Variants in PCDHGA7 observed in about 807,000 individuals in gnomAD.
The protein encoded by PCDHGA7 is protocadherin gamma subfamily A, 7, also known as protocadherin gamma-A7.
A neutral mutation model predicts 58.3 loss-of-function variants in PCDHGA7; 44 were observed. That is an observed-to-expected ratio of 0.75 (90% confidence interval 0.59 to 0.97). The LOEUF (loss-of-function observed/expected upper bound fraction) is 0.97, where lower values mean the gene tolerates loss of function less well. Ranked by LOEUF, PCDHGA7 falls within the 50% of genes least tolerant of loss-of-function variation. PCDHGA7 has a pLI of 0.00. For missense variants in PCDHGA7, 1,266 were observed against 1,188.7 expected (o/e 1.06, Z -0.96); for synonymous variants, 516 against 504.2 (o/e 1.02, Z -0.31).
chr5:141,428,067 G>GC, intron 1 of PCDHGA7: 2 of 1,609,228 alleles, frequency 1.2e-6, no homozygotes, highest in Non-Finnish European at 1.7e-6. Context: ...GGTGGACGCA[G>GC]ATTCGGGACA....
chr5:141,445,334 A>G (rs1337991795), intron 1 of PCDHGA7, among the ~76,000 whole-genome samples: 1 of 152,224 alleles, frequency 6.6e-6, no homozygotes, highest in African/African-American at 2.4e-5. Context: ...ATCCAGAAAC[A>G]GTAAACATTG....
At chr5:141,390,553 A>G in intron 1 of PCDHGA7, 3 of 476,468 alleles carry the variant, frequency 6.3e-6, no homozygotes, top group Non-Finnish European at 1.1e-5. Context: ...TGAAAGTGTT[A>G]GACAGTTGTT....
intron 1 of PCDHGA7, chr5:141,405,157 G>T: frequency 6.2e-7 from 1 of 1,614,072 alleles, no homozygotes. Context: ...TGGCTGGTGT[G>T]CCCACCTCAC....
chr5:141,495,107 A>G (rs559621284), intron 2 of PCDHGA7, among the ~76,000 whole-genome samples: 1 of 152,166 alleles, frequency 6.6e-6, no homozygotes, highest in East Asian at 1.9e-4. Flanking sequence ...CACGACCGGC[A>G]CCTTTTCCTA....
At chr5:141,427,426 C>G (rs569185252) in intron 1 of PCDHGA7, 1 of 469,896 alleles carries the variant, frequency 2.1e-6, no homozygotes, top group Admixed American at 2.3e-5. Flanking sequence ...GGGGAGGTTA[C>G]ATGCCTCATA....
chr5:141,410,826 G>T, intron 1 of PCDHGA7: 4 of 379,152 alleles, frequency 1.1e-5, no homozygotes, highest in Non-Finnish European at 9.0e-6. Flanking sequence ...AATGTCACCA[G>T]ACTGAAGATA....
chr5:141,430,090 G>T (rs2097260736), intron 1 of PCDHGA7, among the ~76,000 whole-genome samples: 1 of 152,096 alleles, frequency 6.6e-6, no homozygotes, highest in Non-Finnish European at 1.5e-5. Context: ...ATGAAAATTT[G>T]ATTTTTAAGC....
chr5:141,384,823 C>T lies in PCDHGA7; in HGVS notation c.1924C>T (p.Leu642Phe), dbSNP rs1780554130. 1 of 1,613,490 alleles carries T rather than the reference C, an allele frequency of 6.2e-7. No individual in the cohort carries two copies. The highest frequency in any genetic ancestry group is 1.1e-5 in the South Asian group (1 of 91,074). The change falls in exon 1 of 4, where the codon CTC (leucine) becomes TTC (phenylalanine). Residue 642 changes from leucine (L) to phenylalanine (F), a missense_variant. By Grantham distance (22) the Leu-to-Phe change is conservative. Coordinates refer to ENST00000518325, the MANE Select transcript of PCDHGA7 (RefSeq NM_018920.4). ...GGACAGAGATGCCCTCAAGCAGAGC[C>T]TCGTGGTGGCCGTCCAGGACCACGG... Reference protein sequence around the residue: ...LLDRDALKQSLVVAVQDHGQP... With the variant: ...LLDRDALKQSFVVAVQDHGQP...
chr5:141,481,924 A>G (rs1189494301), intron 1 of PCDHGA7, among the ~76,000 whole-genome samples: 1 of 151,648 alleles, frequency 6.6e-6, no homozygotes, highest in Non-Finnish European at 1.5e-5. Context: ...AAAAAAAAAA[A>G]AAAAAAAAAA....
chr5:141,388,773 G>C, intron 1 of PCDHGA7: 4 of 1,613,808 alleles, frequency 2.5e-6, no homozygotes, highest in Non-Finnish European at 3.4e-6. Context: ...CTCTAACACC[G>C]GGGAAATTAC....
intron 1 of PCDHGA7, chr5:141,390,739 A>G (rs1459430005): frequency 5.6e-6 from 1 of 178,034 alleles, no homozygotes; most frequent in Non-Finnish European, 1.2e-5. Context: ...TATGGTCTCC[A>G]TAGTAGTCCA....
Position 141,477,656 on chromosome 5 carries a change from C to T in PCDHGA7, c.2425-17151C>T, listed in dbSNP as rs755621234. The T allele has an allele frequency of 1.9e-6, 3 of 1,614,184 alleles. No homozygotes were observed. The South Asian group carries it at 3.3e-5, about 18-fold the overall frequency. ...AGTGGGTCGCTATTTCACAATAAATCGTGACAATGGCATAGTGTCATCCTT... is the reference window on the plus strand; with the variant it reads ...AGTGGGTCGCTATTTCACAATAAATTGTGACAATGGCATAGTGTCATCCTT... On this transcript the variant is annotated intron_variant, in intron 1 of 3. Transcript: ENST00000518325. The surrounding 1 kb of genome is among the most constrained non-coding windows in gnomAD (Gnocchi z 4.9).
chr5:141,440,818 C>T (rs906112291), intron 1 of PCDHGA7: 2 of 152,124 alleles, frequency 1.3e-5, no homozygotes, highest in Non-Finnish European at 2.9e-5. Flanking sequence ...TCACTCAACT[C>T]CTGATCCTAT....
At chr5:141,455,103 C>T (rs1319698016) in intron 1 of PCDHGA7, among the ~76,000 whole-genome samples, 1 of 151,862 alleles carries the variant, frequency 6.6e-6, no homozygotes, top group South Asian at 2.1e-4. Flanking sequence ...TGAGCCACTG[C>T]GCCCGGTGGG....
rs1331251272 is a variant in PCDHGA7 at position 141,394,996 on chromosome 5, C to G, written c.2424+9673C>G. The G allele has an allele frequency of 3.1e-6, 5 of 1,614,034 alleles. No individual in the cohort carries two copies. In the South Asian group the frequency reaches 5.5e-5, roughly 18 times the overall value. On this transcript the variant is annotated intron_variant, in intron 1 of 3. Coordinates refer to ENST00000518325, the MANE Select transcript of PCDHGA7 (RefSeq NM_018920.4). ...CACAAGTCACGCCTGCTCCAGGATTCCGGTGGCAGATTGGTAGGCGTGCCT... is the reference window on the plus strand; with the variant it reads ...CACAAGTCACGCCTGCTCCAGGATTGCGGTGGCAGATTGGTAGGCGTGCCT...
chr5:141,432,506 G>A lies in PCDHGA7; in HGVS notation c.2424+47183G>A. 3 of 1,614,140 alleles carry A rather than the reference G, an allele frequency of 1.9e-6. No homozygotes were observed. Among genetic ancestry groups the A allele is most frequent in the Non-Finnish European group, 2.5e-6 (3 of 1,180,036 alleles). On this transcript the variant is annotated intron_variant, in intron 1 of 3. Transcript: ENST00000518325. This position sits in a 1 kb window ranked among gnomAD's most constrained non-coding sequence, Gnocchi z 6.0. ...CGTGGAGCTGGCTCCCCGCTCCGCA[G>A]AGCCCGGCTACCTGGTGACCAAGGT... is the stretch of plus-strand genomic sequence containing the variant.
At chr5:141,425,822 A>G (rs1257213242) in intron 1 of PCDHGA7, among the ~76,000 whole-genome samples, 1 of 152,240 alleles carries the variant, frequency 6.6e-6, no homozygotes, top group Non-Finnish European at 1.5e-5. Context: ...GAAAAAAACA[A>G]ACTTTTAAAT....
At chr5:141,385,709 A>G (rs2090329249) in intron 1 of PCDHGA7, 1 of 259,144 alleles carries the variant, frequency 3.9e-6, no homozygotes, top group Non-Finnish European at 6.2e-6. Context: ...TAGCATTCAA[A>G]TATGTAAAAG....
At chr5:141,474,016 G>A (rs1286684019) in intron 1 of PCDHGA7, among the ~76,000 whole-genome samples, 1 of 152,128 alleles carries the variant, frequency 6.6e-6, no homozygotes, top group Non-Finnish European at 1.5e-5. Context: ...GTTACAGTGA[G>A]CTATGATTAT....
Sources: allele counts gnomAD v4.1 joint callset (sites outside exome capture counted in the v4.1 genomes callset), GRCh38; gene constraint gnomAD v4.1.1; non-coding constraint Gnocchi (gnomAD v3.1); transcripts MANE v1.5; gene names NCBI Gene and HGNC (gene_info 2026-07-23, HGNC 2026-07-21).